The following PDS5A variants were observed in gnomAD, a reference collection of about 807,000 sequenced individuals.
The protein encoded by PDS5A is sister chromatid cohesion protein PDS5 homolog A.
Under a neutral mutation model 167.1 loss-of-function variants are expected in PDS5A, and 42 were observed. The observed-to-expected ratio is 0.25, with a 90% CI of 0.20 to 0.33. The LOEUF is 0.33. PDS5A is among the 10% of genes least tolerant of loss of function. The pLI is 1.00. For missense variants in PDS5A, 1,033 were observed against 1,605.9 expected, an observed-to-expected ratio of 0.64 and a Z score of 6.10; for synonymous variants, 553 against 554.6, an observed-to-expected ratio of 1.00 and a Z score of 0.04.
intron 2 of PDS5A, among the ~76,000 whole-genome samples, chr4:39,957,595 C>G (rs1729046688): frequency 6.6e-6 from 1 of 151,788 alleles, no homozygotes; most frequent in Admixed American, 6.6e-5. Context: ...ACCATCCTGG[C>G]TAACACGGTG....
intron 2 of PDS5A, among the ~76,000 whole-genome samples, chr4:39,970,127 G>A (rs1020703139): frequency 1.3e-5 from 2 of 151,910 alleles, no homozygotes; most frequent in African/African-American, 4.9e-5. Context: ...TGGGATTACA[G>A]GCGTGAGCCA....
At chr4:39,858,496 CTG>C (rs1456215290) in intron 26 of PDS5A, among the ~76,000 whole-genome samples, 2 of 152,190 alleles carry the variant, frequency 1.3e-5, no homozygotes, top group African/African-American at 4.8e-5. Flanking sequence ...ACTGGAAAAA[CTG>C]GATATTCACA....
chr4:39,851,292 A>G (rs1560426666), intron 26 of PDS5A, among the ~76,000 whole-genome samples: 1 of 141,590 alleles, frequency 7.1e-6, no homozygotes, highest in African/African-American at 2.6e-5. Context: ...TATAGAACCT[A>G]TTTTTTTTTT....
At chr4:39,976,372 G>C (rs1731081696) in intron 2 of PDS5A, 68 bp downstream of exon 2, 10 of 1,370,376 alleles carry the variant, frequency 7.3e-6, no homozygotes, top group Non-Finnish European at 1.0e-5. Flanking sequence ...GCCAGACTGA[G>C]CAGGGTAGCA....
intron 10 of PDS5A, chr4:39,909,962 G>A (rs890600800): frequency 2.3e-5 from 6 of 260,338 alleles, no homozygotes; most frequent in African/African-American, 8.9e-5. Context: ...TTTAAGCTGG[G>A]CATTGTAGCA....
chr4:39,916,941 A>C (rs1446682507), intron 8 of PDS5A, 107 bp downstream of exon 8: 1 of 537,668 alleles, frequency 1.9e-6, no homozygotes, highest in African/African-American at 2.0e-5. Context: ...TGCGGTATAC[A>C]TTTTTCCTGG....
intron 17 of PDS5A, among the ~76,000 whole-genome samples, chr4:39,889,933 A>G (rs951050519): frequency 2.8e-4 from 42 of 152,084 alleles, no homozygotes; most frequent in African/African-American, 1.0e-3. Context: ...GCTTAAGAAA[A>G]CTCAGAGGTT....
intron 31 of PDS5A, 120 bp downstream of exon 31, chr4:39,841,828 T>C: frequency 1.6e-6 from 1 of 628,456 alleles, no homozygotes. Context: ...TGTGTGGTAA[T>C]ACACACAAGT....
Position 39,825,384 on chromosome 4 carries a change from A to G in PDS5A, c.*101T>C. The G allele has an allele frequency of 1.1e-6, 1 of 915,794 alleles. No individual in the cohort carries two copies. Among genetic ancestry groups the G allele is most frequent in the Non-Finnish European group, 1.7e-6 (1 of 587,826 alleles). 56.7% of individuals were successfully genotyped at this position (915,794 alleles called of 1,614,324 possible). On this transcript the variant is annotated 3_prime_UTR_variant, in exon 33 of 33. Transcript: ENST00000303538. ...GGCAGAGAGTGTGTGTTCTGAAGTG[A>G]GCTTCATTTTCTGTTCAGGGACATT... is the stretch of plus-strand genomic sequence containing the variant.
chr4:39,976,660 T>C (rs1731118445), intron 1 of PDS5A, 43 bp from the exon 2 acceptor site: 1 of 991,626 alleles, frequency 1.0e-6, no homozygotes. Flanking sequence ...AGGGGCGACT[T>C]TGTAACCTCT....
At position 39,927,949 on chromosome 4, in the gene PDS5A, G is replaced by A; in HGVS notation, c.342+12C>T. On this transcript the variant is annotated intron_variant, in intron 3 of 32. Coordinates refer to ENST00000303538, the MANE Select transcript of PDS5A (RefSeq NM_001100399.2). ...ATGAAAAATACAATAAAGTGAAAAA[G>A]GCTGTATTTACCTTAAGTTTATCAT... 6.4e-7 allele frequency: 1 copy of A among 1,571,762 alleles called. No individual in the cohort carries two copies. Among genetic ancestry groups the A allele is most frequent in the South Asian group, 1.1e-5 (1 of 90,054 alleles).
At chr4:39,922,893 C>G (rs967370096) in intron 5 of PDS5A, 145 bp from the exon 6 acceptor site, 5 of 1,019,242 alleles carry the variant, frequency 4.9e-6, no homozygotes, top group Non-Finnish European at 6.4e-6. Context: ...CCAATAATGG[C>G]AGAGAAATTT....
chr4:39,847,611 T>C (rs1016231691), intron 28 of PDS5A: 18 of 152,156 alleles, frequency 1.2e-4, no homozygotes, highest in African/African-American at 4.1e-4. Flanking sequence ...AAAAATTTTT[T>C]TTATACAGAT....
chr4:39,917,867 G>A (rs190778157), intron 7 of PDS5A, among the ~76,000 whole-genome samples: 8 of 151,764 alleles, frequency 5.3e-5, no homozygotes, highest in African/African-American at 1.7e-4. Context: ...GACCCATTGC[G>A]CCTGGCCTCA....
At chr4:39,974,918 G>A (rs1730935139) in intron 2 of PDS5A, among the ~76,000 whole-genome samples, 1 of 151,934 alleles carries the variant, frequency 6.6e-6, no homozygotes, top group Admixed American at 6.6e-5. Context: ...CGAGACCAAA[G>A]TGACCAACAT....
chr4:39,878,171 T>C (rs1720626541), intron 18 of PDS5A, among the ~76,000 whole-genome samples: 1 of 152,184 alleles, frequency 6.6e-6, no homozygotes, highest in Non-Finnish European at 1.5e-5. Flanking sequence ...AATTTTTCAA[T>C]AAGCACTTAT....
intron 29 of PDS5A, 43 bp downstream of exon 29, chr4:39,845,775 T>C: frequency 5.1e-6 from 7 of 1,367,110 alleles, no homozygotes; most frequent in Non-Finnish European, 6.7e-6. Context: ...AGAAGCAAGA[T>C]ACACATGAAA....
At chr4:39,920,920 G>T (rs1403986971) in intron 6 of PDS5A, among the ~76,000 whole-genome samples, 2 of 152,070 alleles carry the variant, frequency 1.3e-5, no homozygotes, top group Non-Finnish European at 2.9e-5. Flanking sequence ...GAGTCCCAAT[G>T]TACTCAAATA....
intron 26 of PDS5A, among the ~76,000 whole-genome samples, chr4:39,859,678 G>A (rs145676746): frequency 1.3e-5 from 2 of 152,266 alleles, no homozygotes; most frequent in African/African-American, 4.8e-5. Flanking sequence ...TAAACTGTCA[G>A]AACACCACTC....
Sources: gnomAD v4.1 joint callset for allele counts (sites outside exome capture counted in the v4.1 genomes callset) on GRCh38, gnomAD v4.1.1 for gene constraint, MANE v1.5 for transcripts, NCBI Gene and HGNC (gene_info 2026-07-23, HGNC 2026-07-21) for gene names.